The following CTDP1 variants were observed in gnomAD, a reference collection of about 807,000 sequenced individuals.
The protein encoded by CTDP1 is RNA polymerase II subunit A C-terminal domain phosphatase.
A neutral mutation model predicts 91.8 loss-of-function variants in CTDP1; 47 were observed. The observed-to-expected ratio is 0.51, with a 90% CI of 0.41 to 0.65. The LOEUF (loss-of-function observed/expected upper bound fraction) is 0.65. Ranked by LOEUF, CTDP1 falls within the 30% of genes least tolerant of loss-of-function variation. CTDP1 has a pLI of 0.00. For missense variants in CTDP1, 1,272 were observed against 1,373.7 expected, an observed-to-expected ratio of 0.93 and a Z score of 1.17; for synonymous variants, 656 against 598.5, an observed-to-expected ratio of 1.10 and a Z score of -1.40.
intron 12 of CTDP1, among the ~76,000 whole-genome samples, chr18:79,739,397 T>A (rs34719896): frequency 0.24 from 36,954 of 151,120 alleles, 4,930 homozygotes; most frequent in East Asian, 0.41. Flanking sequence ...CACCCCTGGG[T>A]TTTTGTGGTT....
At chr18:79,728,246 T>C (rs2086491542) in intron 10 of CTDP1, among the ~76,000 whole-genome samples, 1 of 152,196 alleles carries the variant, frequency 6.6e-6, no homozygotes, top group East Asian at 1.9e-4. Flanking sequence ...ATTACAGGCG[T>C]GCACCACCAC....
chr18:79,689,462 T>A (rs907002536), intron 1 of CTDP1, among the ~76,000 whole-genome samples: 1 of 152,136 alleles, frequency 6.6e-6, no homozygotes, highest in East Asian at 1.9e-4. Context: ...CCAGCATTTC[T>A]TCTCCACTTT....
upstream of CTDP1, among the ~76,000 whole-genome samples, chr18:79,676,865 T>C (rs2085263162): frequency 6.6e-6 from 1 of 152,230 alleles, no homozygotes; most frequent in Non-Finnish European, 1.5e-5. Flanking sequence ...GTAAGATAAC[T>C]GATTTTAACA....
At position 79,726,898 on chromosome 18, in the gene CTDP1, G is replaced by C. The variant is rs373020464; in HGVS notation, c.2418-2009G>C. ...GGGGTGACGCCGTTGCTGGTGGATG[G>C]CTGTCGGGGTGGGATGACGCCGTTG... On this transcript the variant is annotated intron_variant, in intron 10 of 12. Transcript: ENST00000613122. 2.2e-4 allele frequency among the ~76,000 whole-genome samples: 28 copies of C among 126,978 alleles called. 4 individuals are homozygous for C. The highest frequency in any genetic ancestry group is 1.1e-3 in the South Asian group (4 of 3,774). The allele number at this position is 126,978 out of a possible 152,430, so 83.3% of individuals were successfully genotyped here.
intron 1 of CTDP1, among the ~76,000 whole-genome samples, chr18:79,689,445 C>G (rs554880640): frequency 1.4e-4 from 21 of 152,232 alleles, no homozygotes; most frequent in African/African-American, 5.1e-4. Flanking sequence ...TGGTGGTGTT[C>G]TCAATTCCAG....
At chr18:79,692,612 C>G (rs889603575) in intron 1 of CTDP1, among the ~76,000 whole-genome samples, 2 of 152,128 alleles carry the variant, frequency 1.3e-5, no homozygotes, top group Non-Finnish European at 2.9e-5. Context: ...TCCCTCTCTT[C>G]CCCTTGCAGG....
chr18:79,733,638 C>G (rs1192700762), intron 11 of CTDP1, among the ~76,000 whole-genome samples: 4 of 151,986 alleles, frequency 2.6e-5, no homozygotes, highest in Admixed American at 6.5e-5. Context: ...CGTCCGCTGC[C>G]TCTCCAGCTG....
At chr18:79,730,646 GAGAGGCC>G (rs1161905929) in intron 11 of CTDP1, among the ~76,000 whole-genome samples, 24 of 152,258 alleles carry the variant, frequency 1.6e-4, no homozygotes, top group Non-Finnish European at 2.8e-4. Flanking sequence ...GTGCATGGGA[GAGAGGCC>G]AGAGGGTTTT....
rs115908192 is a variant in CTDP1, at chr18:79,710,303, C to T, written c.773-43C>T. 3,973 of 1,495,674 alleles carry T rather than the reference C, an allele frequency of 2.7e-3. 82 individuals carry two copies. The African/African-American group carries it at 0.045, about 17-fold the overall frequency. The allele number at this position is 1,495,674 out of a possible 1,614,324, so 92.7% of individuals were successfully genotyped here. ...TTCACCATGTGCCGTGTGACCGAAA[C>T]GTGTCTCAGGTATGTAATCTTTGTC... On this transcript the variant is annotated intron_variant, in intron 5 of 12. Coordinates refer to ENST00000613122, the MANE Select transcript of CTDP1 (RefSeq NM_004715.5).
intron 10 of CTDP1, among the ~76,000 whole-genome samples, chr18:79,725,818 C>G (rs1459178346): frequency 3.9e-5 from 6 of 152,084 alleles, no homozygotes; most frequent in Non-Finnish European, 8.8e-5. Context: ...GTTGATCTTC[C>G]TTTTTCTCGG....
chr18:79,694,029 A>G (rs2085682107), intron 1 of CTDP1, among the ~76,000 whole-genome samples: 1 of 151,722 alleles, frequency 6.6e-6, no homozygotes, highest in Non-Finnish European at 1.5e-5. Flanking sequence ...TCTCGATGAC[A>G]TGGCTGGGGG....
chr18:79,729,906 C>T (rs1217669494), intron 11 of CTDP1, among the ~76,000 whole-genome samples: 1 of 152,236 alleles, frequency 6.6e-6, no homozygotes, highest in Non-Finnish European at 1.5e-5. Flanking sequence ...CATGTTCCCA[C>T]CAGAGCCTAT....
Position 79,725,710 on chromosome 18 carries a change from C to T in CTDP1, c.2418-3197C>T, listed in dbSNP as rs558609999. ...GGTTCCCTCGGGGTCCCTTCCCTCC[C>T]GACCTGACCTGGAGTGTCCATCATG... is the stretch of plus-strand genomic sequence containing the variant. On this transcript the variant is annotated intron_variant, in intron 10 of 12. Transcript: ENST00000613122. 5.9e-5 allele frequency among the ~76,000 whole-genome samples: 9 copies of T among 152,174 alleles called. No individual in the cohort carries two copies. The South Asian group carries it at 1.9e-3, about 32-fold the overall frequency.
At chr18:79,698,472 G>A (rs558199032) in intron 4 of CTDP1, among the ~76,000 whole-genome samples, 1 of 152,308 alleles carries the variant, frequency 6.6e-6, no homozygotes, top group South Asian at 2.1e-4. Context: ...ACATTCTCCA[G>A]GGGAAACACG....
rs2085736254 is a variant in CTDP1 at position 79,695,893 on chromosome 18, C to T, written c.399-84C>T. On this transcript the variant is annotated intron_variant, in intron 2 of 12. Transcript: ENST00000613122. ...CAGCGTGTGTCCGTTAAAACATCAG[C>T]TAGAATCCTGTCACTTAGAGCCCAG... 5.5e-6 allele frequency: 6 copies of T among 1,098,478 alleles called. No homozygotes were observed. In the Admixed American group the frequency reaches 6.8e-5, roughly 12 times the overall value. 68.0% of individuals were successfully genotyped at this position (1,098,478 alleles called of 1,614,324 possible). A position where few individuals can be genotyped will look rare whatever the true frequency, so the allele number is the denominator to read the frequency against.
At chr18:79,695,329 G>T in intron 2 of CTDP1, 21 bp downstream of exon 2, 1 of 1,610,486 alleles carries the variant, frequency 6.2e-7, no homozygotes, top group Non-Finnish European at 8.5e-7. Context: ...GGAAGAGTGA[G>T]ATCGCTGCCT....
At chr18:79,696,684 G>A (rs765650548) in intron 3 of CTDP1, among the ~76,000 whole-genome samples, 3 of 152,150 alleles carry the variant, frequency 2.0e-5, no homozygotes, top group South Asian at 2.1e-4. Flanking sequence ...TGGGGGGTAC[G>A]CAGGGTGGAG....
Position 79,696,026 on chromosome 18 carries a change from G to A in CTDP1, c.448G>A (p.Val150Met), listed in dbSNP as rs768519389. Residue 150 changes from valine to methionine, a missense_variant, in exon 3 of 13, where the codon GTG (valine) becomes ATG (methionine). Coordinates refer to ENST00000613122, the MANE Select transcript of CTDP1 (RefSeq NM_004715.5). Reference protein sequence around the residue: ...KQQVPLSTATVSMVHSVPELM... With the variant: ...KQQVPLSTATMSMVHSVPELM... ...GCAGGTGCCGCTGTCCACGGCGACC[G>A]TGTCCATGGTGCACAGCGTGCCGGA... is the stretch of plus-strand genomic sequence containing the variant. 9.3e-6 allele frequency: 15 copies of A among 1,612,442 alleles called. No individual in the cohort carries two copies. In the Middle Eastern group the frequency reaches 4.9e-4, roughly 53 times the overall value.
At chr18:79,717,489 C>CG in intron 8 of CTDP1, 46 bp from the exon 9 acceptor site, 1 of 1,608,872 alleles carries the variant, frequency 6.2e-7, no homozygotes, top group African/African-American at 1.3e-5. Flanking sequence ...GGCCCTGAGC[C>CG]TCCAGTGCTG....
Sources: allele counts gnomAD v4.1 joint callset (sites outside exome capture counted in the v4.1 genomes callset), GRCh38; gene constraint gnomAD v4.1.1; transcripts MANE v1.5; gene names NCBI Gene and HGNC (gene_info 2026-07-23, HGNC 2026-07-21).